The following CCAR1 variants were observed in gnomAD, a reference collection of about 807,000 sequenced individuals.
CCAR1 encodes cell division cycle and apoptosis regulator 1, also known as cell division cycle and apoptosis regulator protein 1.
Under a neutral mutation model 163.8 loss-of-function variants are expected in CCAR1, and 78 were observed. The observed-to-expected ratio is 0.48, with a 90% CI of 0.40 to 0.57. The LOEUF is 0.57. Ranked by LOEUF, CCAR1 falls within the 20% of genes least tolerant of loss-of-function variation. CCAR1 has a pLI of 0.00. For missense variants in CCAR1, 1,019 were observed against 1,365.2 expected (o/e 0.75, Z 4.00); for synonymous variants, 443 against 460.7 (o/e 0.96, Z 0.49).
chr10:68,733,305 GGA>G (rs1284233839), intron 2 of CCAR1, among the ~76,000 whole-genome samples: 2 of 152,060 alleles, frequency 1.3e-5, no homozygotes, highest in African/African-American at 4.8e-5. Context: ...TAGCTACTCT[GGA>G]GGCTGAGGGA....
chr10:68,761,385 C>T (rs1474451919), intron 16 of CCAR1, among the ~76,000 whole-genome samples, 193 bp downstream of exon 16: 1 of 152,166 alleles, frequency 6.6e-6, no homozygotes, highest in Non-Finnish European at 1.5e-5. Context: ...CAGCTCACTG[C>T]AACCTCCGCA....
rs2056398983 is a variant in CCAR1 at position 68,756,547 on chromosome 10, T to C, written c.1836+64T>C. ...ACAGGCACAGGAACACAGGCACAAA[T>C]GCACACCACACACTACATAATAAAC... On this transcript the variant is annotated intron_variant, in intron 14 of 24. Coordinates refer to ENST00000265872, the MANE Select transcript of CCAR1 (RefSeq NM_018237.4). The surrounding 1 kb of genome is among the most constrained non-coding windows in gnomAD (Gnocchi z 5.1). The C allele has an allele frequency of 1.6e-6, 2 of 1,232,894 alleles. No homozygotes were observed. Among genetic ancestry groups the C allele is most frequent in the Admixed American group, 2.0e-5 (1 of 50,624 alleles). 76.4% of individuals were successfully genotyped at this position (1,232,894 alleles called of 1,614,324 possible). A position where few individuals can be genotyped will look rare whatever the true frequency, so the allele number is the denominator to read the frequency against.
In CCAR1 at chr10:68,747,574, T is replaced by A. The variant is rs1419988017; in HGVS notation, c.826+8T>A. 1 of 1,607,062 alleles carries A rather than the reference T, an allele frequency of 6.2e-7. No individual in the cohort carries two copies. Among genetic ancestry groups the A allele is most frequent in the South Asian group, 1.1e-5 (1 of 90,082 alleles). Reference sequence around the variant, plus strand: ...AGCAGCCTCAGCAAAAAGGTATCTTTGCTTTTGTTTCAGGCAAATGTATAA... The same window carrying A: ...AGCAGCCTCAGCAAAAAGGTATCTTAGCTTTTGTTTCAGGCAAATGTATAA... On this transcript the variant is annotated splice_region_variant and intron_variant, in intron 8 of 24. Transcript: ENST00000265872.
At chr10:68,758,270 G>T (rs2056420299) in intron 15 of CCAR1, among the ~76,000 whole-genome samples, 1 of 151,886 alleles carries the variant, frequency 6.6e-6, no homozygotes, top group Admixed American at 6.6e-5. Flanking sequence ...GGTCAGGCCG[G>T]TCTCACACTC....
chr10:68,747,529 T>C lies in CCAR1; in HGVS notation c.789T>C (p.Thr263=). ...SAASITPLLQ[T]QPQPLLQQPQ... is the part of the protein sequence containing the mutation. ...CTTCTATTACACCACTATTGCAGAC[T>C]CAACCACAGCCCTTATTACAGCAGC... The change falls in exon 8 of 25, where the codon ACT becomes ACC. Residue 263 remains threonine (T), a synonymous_variant. Transcript: ENST00000265872. 6.2e-7 allele frequency: 1 copy of C among 1,614,130 alleles called. No individual in the cohort carries two copies. The highest frequency in any genetic ancestry group is 8.5e-7 in the Non-Finnish European group (1 of 1,179,996).
intron 2 of CCAR1, among the ~76,000 whole-genome samples, chr10:68,732,743 T>G (rs1475170026): frequency 2.6e-5 from 4 of 152,176 alleles, no homozygotes; most frequent in Admixed American, 6.6e-5. Flanking sequence ...GCATACGGTT[T>G]CAGGAAATTA....
At chr10:68,759,481 A>G (rs2133373591) in intron 15 of CCAR1, 1 of 153,598 alleles carries the variant, frequency 6.5e-6, no homozygotes, top group African/African-American at 2.4e-5. Flanking sequence ...TAATCCTAGC[A>G]CTTTTGGAGG....
chr10:68,727,561 A>G (rs1434626341), intron 2 of CCAR1, among the ~76,000 whole-genome samples: 2 of 152,158 alleles, frequency 1.3e-5, no homozygotes, highest in Non-Finnish European at 2.9e-5. Flanking sequence ...CTAGGATGGT[A>G]TTCAAGGTCT....
At position 68,749,250 on chromosome 10, in the gene CCAR1, G is replaced by A; in HGVS notation, c.941G>A (p.Arg314Lys). The A allele has an allele frequency of 6.2e-7, 1 of 1,608,566 alleles. No individual in the cohort carries two copies. The highest frequency in any genetic ancestry group is 1.1e-5 in the South Asian group (1 of 89,648). Residue 314 changes from arginine (R) to lysine (K), a missense_variant, in exon 9 of 25, where the codon AGA becomes AAA. Transcript: ENST00000265872. ...GACAGAGGGGATCAAGTGCCTAACA[G>A]AAAAGATGATCGAAGGTATATTTTC... Reference protein sequence around the residue: ...RNDRGDQVPNRKDDRSRERER... With the variant: ...RNDRGDQVPNKKDDRSRERER...
At position 68,761,633 on chromosome 10, in the gene CCAR1, G is replaced by A. The variant is rs540985853; in HGVS notation, c.2106+441G>A. 2.0e-5 allele frequency among the ~76,000 whole-genome samples: 3 copies of A among 148,320 alleles called. No homozygotes were observed. The South Asian group carries it at 6.4e-4, about 32-fold the overall frequency. On this transcript the variant is annotated intron_variant, in intron 16 of 24. Transcript: ENST00000265872. The stretch of plus-strand genomic sequence containing the variant: ...TATTTATTTTTTGAGATGGAGTTTC[G>A]CTCTTGTTGCCTAGGAGGGAGTGCA...
At position 68,756,541 on chromosome 10, in the gene CCAR1, C is replaced by A; in HGVS notation, c.1836+58C>A. ...CTTCTCACAGGCACAGGAACACAGG[C>A]ACAAATGCACACCACACACTACATA... On this transcript the variant is annotated intron_variant, in intron 14 of 24. Coordinates refer to ENST00000265872, the MANE Select transcript of CCAR1 (RefSeq NM_018237.4). This position sits in a 1 kb window ranked among gnomAD's most constrained non-coding sequence, Gnocchi z 5.1. 7.9e-7 allele frequency: 1 copy of A among 1,258,224 alleles called. No homozygotes were observed. Among genetic ancestry groups the A allele is most frequent in the Non-Finnish European group, 1.1e-6 (1 of 879,416 alleles). The allele number at this position is 1,258,224 out of a possible 1,614,324, so 77.9% of individuals were successfully genotyped here.
At chr10:68,786,810 C>T (rs972418984) in intron 21 of CCAR1, 118 bp downstream of exon 21, 31 of 824,242 alleles carry the variant, frequency 3.8e-5, no homozygotes, top group Non-Finnish European at 5.0e-5. Flanking sequence ...AAGGGCCAGG[C>T]GTGGTGGCTC....
intron 8 of CCAR1, 72 bp downstream of exon 8, chr10:68,747,638 C>G (rs556091058): frequency 7.4e-7 from 1 of 1,350,436 alleles, no homozygotes; most frequent in East Asian, 2.3e-5. Flanking sequence ...CTTTTAATTA[C>G]AAAAAAAGGC....
chr10:68,757,191 A>G, intron 14 of CCAR1, 103 bp from the exon 15 acceptor site: 1 of 647,756 alleles, frequency 1.5e-6, no homozygotes, highest in Non-Finnish European at 2.6e-6. Context: ...GACAATCTGA[A>G]ACATTTGTGA....
chr10:68,737,410 G>C (rs1416563877), intron 3 of CCAR1, among the ~76,000 whole-genome samples: 1 of 151,200 alleles, frequency 6.6e-6, no homozygotes, highest in Non-Finnish European at 1.5e-5. Flanking sequence ...GTTGAGATGG[G>C]AGGATTGCTT....
chr10:68,786,977 C>T (rs1026788673), intron 21 of CCAR1: 170 of 228,562 alleles, frequency 7.4e-4, no homozygotes, highest in Admixed American at 1.8e-4. Context: ...CCCAGCTACT[C>T]GGGAAGCTGA....
In CCAR1 at chr10:68,788,488, T is replaced by G. The variant is rs368111944; in HGVS notation, c.3187+160T>G. On this transcript the variant is annotated intron_variant, in intron 23 of 24. Transcript: ENST00000265872. ...ATAAGGAACTTTTTAAAATTTTTTA[T>G]TATTTATTTGTTTTTAAGACAGGGT... Among the ~76,000 whole-genome samples, 7 of 152,136 alleles carry G rather than the reference T, an allele frequency of 4.6e-5. No homozygotes were observed. The East Asian group carries it at 1.2e-3, about 25-fold the overall frequency.
chr10:68,789,603 A>G, intron 23 of CCAR1, 107 bp from the exon 24 acceptor site: 1 of 664,804 alleles, frequency 1.5e-6, no homozygotes, highest in Non-Finnish European at 2.6e-6. Context: ...TTGCCATTTT[A>G]TGGAATTCTA....
chr10:68,763,109 TTTC>T (rs921565684), intron 16 of CCAR1, among the ~76,000 whole-genome samples: 11 of 80,766 alleles, frequency 1.4e-4, no homozygotes, highest in Non-Finnish European at 9.5e-5. Context: ...GGACTTGTGA[TTTC>T]TTTTTTTTTA....
Sources: gnomAD v4.1 joint callset for allele counts (sites outside exome capture counted in the v4.1 genomes callset) on GRCh38, gnomAD v4.1.1 for gene constraint, Gnocchi (gnomAD v3.1) non-coding constraint, MANE v1.5 for transcripts, NCBI Gene and HGNC (gene_info 2026-07-23, HGNC 2026-07-21) for gene names.